The following OR2L13 variants were observed in gnomAD, a reference collection of about 807,000 sequenced individuals.
The protein encoded by OR2L13 is olfactory receptor family 2 subfamily L member 13.
A neutral mutation model predicts 15.3 loss-of-function variants in OR2L13; 14 were observed. The ratio of observed to expected loss-of-function variants is 0.91; its 90% confidence interval spans 0.60 to 1.43. The LOEUF (loss-of-function observed/expected upper bound fraction) is 1.43, where lower values mean the gene tolerates loss of function less well. Among genes scored for constraint, OR2L13 ranks in the 40% most tolerant of loss-of-function variants. OR2L13 has a pLI of 0.00. For missense variants in OR2L13, 367 were observed against 387.9 expected (o/e 0.95, Z 0.45); for synonymous variants, 152 against 142.9 (o/e 1.06, Z -0.45).
chr1:248,038,278 A>G, the OR2L13 span: 9 of 1,605,884 alleles, frequency 5.6e-6, no homozygotes, highest in Non-Finnish European at 7.7e-6. Context: ...ATGGAAAATT[A>G]CAATCAAACA....
At chr1:248,025,054 T>C in the OR2L13 span, among the ~76,000 whole-genome samples, 1 of 151,832 alleles carries the variant, frequency 6.6e-6, no homozygotes, top group African/African-American at 2.4e-5. Flanking sequence ...ACTTCATGTC[T>C]AAAACACCAA....
At chr1:248,049,017 A>G in the OR2L13 span, among the ~76,000 whole-genome samples, 45 of 151,916 alleles carry the variant, frequency 3.0e-4, no homozygotes, top group African/African-American at 8.9e-4. Context: ...GTGATGAATA[A>G]TAATTTTTTC....
the OR2L13 span, among the ~76,000 whole-genome samples, chr1:247,960,576 G>A: frequency 5.9e-5 from 9 of 152,206 alleles, no homozygotes; most frequent in South Asian, 2.1e-4. Flanking sequence ...CTTGAGCTGC[G>A]GTGGGCTGCA....
chr1:247,979,078 T>C, the OR2L13 span, among the ~76,000 whole-genome samples: 1 of 152,170 alleles, frequency 6.6e-6, no homozygotes, highest in South Asian at 2.1e-4. Context: ...CAAATAAGGA[T>C]TCTTCCTTCC....
the OR2L13 span, among the ~76,000 whole-genome samples, chr1:248,055,280 G>A: frequency 6.6e-6 from 1 of 152,192 alleles, no homozygotes; most frequent in African/African-American, 2.4e-5. Context: ...GCATCCAGGG[G>A]ATGAAGCTGA....
the OR2L13 span, chr1:248,003,882 A>G: frequency 5.6e-6 from 9 of 1,612,262 alleles, no homozygotes; most frequent in African/African-American, 1.3e-5. Context: ...ACTTTCTACT[A>G]TACACCTTTT....
chr1:247,970,823 A>G, the OR2L13 span, among the ~76,000 whole-genome samples: 7 of 152,162 alleles, frequency 4.6e-5, no homozygotes, highest in African/African-American at 1.7e-4. Context: ...TATTTTATCA[A>G]CGTGGTACAT....
At chr1:248,038,657 C>T in the OR2L13 span, 5 of 1,614,184 alleles carry the variant, frequency 3.1e-6, no homozygotes, top group Non-Finnish European at 4.2e-6. Context: ...TTCCTCTCCA[C>T]TATCCCATCC....
chr1:248,073,816 T>C, the OR2L13 span, among the ~76,000 whole-genome samples: 1 of 151,964 alleles, frequency 6.6e-6, no homozygotes, highest in Non-Finnish European at 1.5e-5. Flanking sequence ...TAAAACATTA[T>C]ACACTTAAAA....
At chr1:247,981,973 G>A in the OR2L13 span, among the ~76,000 whole-genome samples, 11 of 151,858 alleles carry the variant, frequency 7.2e-5, no homozygotes, top group Non-Finnish European at 1.3e-4. Flanking sequence ...CCGCCACCAC[G>A]CCCGGCTAAT....
chr1:248,031,805 T>C, the OR2L13 span, among the ~76,000 whole-genome samples: 1 of 152,080 alleles, frequency 6.6e-6, no homozygotes, highest in African/African-American at 2.4e-5. Context: ...TAGGGGGAGA[T>C]CGGAAAAATA....
chr1:247,999,186 A>G, the OR2L13 span, among the ~76,000 whole-genome samples: 1 of 152,164 alleles, frequency 6.6e-6, no homozygotes, highest in Non-Finnish European at 1.5e-5. Flanking sequence ...TTACATTTCT[A>G]GTAATTGTAA....
chr1:248,032,016 G>T, the OR2L13 span, among the ~76,000 whole-genome samples: 1 of 152,020 alleles, frequency 6.6e-6, no homozygotes, highest in East Asian at 1.9e-4. Flanking sequence ...TGTTAATTGT[G>T]TTAGTAATTT....
At chr1:247,982,890 CCT>C in the OR2L13 span, among the ~76,000 whole-genome samples, 1 of 151,818 alleles carries the variant, frequency 6.6e-6, no homozygotes, top group African/African-American at 2.4e-5. Context: ...ATAAATTTAA[CCT>C]CTTATATTTT....
the OR2L13 span, chr1:247,990,435 C>G: frequency 2.5e-6 from 4 of 1,583,238 alleles, no homozygotes; most frequent in Admixed American, 6.7e-5. Flanking sequence ...TCTCCACACA[C>G]CCATGTATTT....
At chr1:248,062,308 G>A in the OR2L13 span, 1 of 152,186 alleles carries the variant, frequency 6.6e-6, no homozygotes, top group Non-Finnish European at 1.5e-5. Flanking sequence ...TTACATTTAG[G>A]TCTTTAACCT....
the OR2L13 span, chr1:247,966,300 G>A: frequency 6.2e-7 from 1 of 1,613,486 alleles, no homozygotes; most frequent in Non-Finnish European, 8.5e-7. Flanking sequence ...TGGGATATTG[G>A]ATATGCTGTA....
At chr1:248,085,675 A>G in the OR2L13 span, among the ~76,000 whole-genome samples, 1 of 152,162 alleles carries the variant, frequency 6.6e-6, no homozygotes, top group East Asian at 1.9e-4. Flanking sequence ...TTTACATTAT[A>G]AGGAGAAAGT....
the OR2L13 span, chr1:247,974,873 G>T: frequency 8.2e-6 from 2 of 243,836 alleles, no homozygotes; most frequent in South Asian, 1.5e-4. Flanking sequence ...ATCAGTCCGT[G>T]ATCCTTCTCA....
Sources: gnomAD v4.1 joint callset for allele counts (sites outside exome capture counted in the v4.1 genomes callset) on GRCh38, gnomAD v4.1.1 for gene constraint, MANE v1.5 for transcripts, NCBI Gene and HGNC (gene_info 2026-07-23, HGNC 2026-07-21) for gene names.